Variants in SOAT1 observed in about 807,000 individuals in gnomAD.
SOAT1 encodes the protein acyl-coenzyme A:cholesterol acyltransferase 1.
Under a neutral mutation model 69.5 loss-of-function variants are expected in SOAT1, and 55 were observed. The ratio of observed to expected loss-of-function variants is 0.79; its 90% CI spans 0.64 to 0.99. SOAT1 has a LOEUF of 0.99. Ranked by LOEUF, SOAT1 falls within the 50% of genes least tolerant of loss-of-function variation. The probability of loss-of-function intolerance (pLI) is 0.00; values close to 1 mark genes in which losing one functional copy is unlikely to be tolerated. For missense variants in SOAT1, 580 were observed against 669.3 expected, an observed-to-expected ratio of 0.87 and a Z score of 1.47; for synonymous variants, 231 against 224.7, an observed-to-expected ratio of 1.03 and a Z score of -0.25.
At chr1:179,324,319 CA>C (rs1478510618) in intron 3 of SOAT1, among the ~76,000 whole-genome samples, 1 of 152,108 alleles carries the variant, frequency 6.6e-6, no homozygotes, top group Non-Finnish European at 1.5e-5. Context: ...CATCCAAGGC[CA>C]GGGGCATAGT....
chr1:179,315,389 A>G (rs1157826294), intron 2 of SOAT1, among the ~76,000 whole-genome samples: 3 of 152,008 alleles, frequency 2.0e-5, no homozygotes, highest in African/African-American at 4.8e-5. Context: ...CCTTGAGCCT[A>G]GGAGTTCCAG....
At chr1:179,316,844 C>T (rs998165494) in intron 2 of SOAT1, among the ~76,000 whole-genome samples, 2 of 152,132 alleles carry the variant, frequency 1.3e-5, no homozygotes, top group African/African-American at 4.8e-5. Flanking sequence ...CCTTCTCATT[C>T]TTCATGTCTT....
intron 1 of SOAT1, among the ~76,000 whole-genome samples, chr1:179,300,227 C>G (rs555965613): frequency 2.0e-5 from 3 of 151,712 alleles, no homozygotes; most frequent in Non-Finnish European, 2.9e-5. Context: ...ACTGAAACAT[C>G]TTGGTTCCTT....
At chr1:179,336,533 T>G (rs972871035) in intron 4 of SOAT1, among the ~76,000 whole-genome samples, 1 of 149,572 alleles carries the variant, frequency 6.7e-6, no homozygotes, top group African/African-American at 2.5e-5. Flanking sequence ...ACTTGCTGAG[T>G]GCTCTACATG....
chr1:179,320,855 T>C (rs1665572187), intron 2 of SOAT1, among the ~76,000 whole-genome samples: 1 of 152,010 alleles, frequency 6.6e-6, no homozygotes, highest in Admixed American at 6.6e-5. Flanking sequence ...TCTGCCATCT[T>C]CCCAAGTGTC....
intron 4 of SOAT1, among the ~76,000 whole-genome samples, chr1:179,336,186 G>A (rs1333442148): frequency 6.6e-6 from 1 of 150,914 alleles, no homozygotes; most frequent in Non-Finnish European, 1.5e-5. Context: ...AATAAGGTCA[G>A]GTGTGGTGGC....
rs528804411 is a variant in SOAT1 at position 179,305,496 on chromosome 1, G to A, written c.118+2694G>A. On this transcript the variant is annotated intron_variant, in intron 2 of 15. Coordinates refer to ENST00000367619, the MANE Select transcript of SOAT1 (RefSeq NM_003101.6). ...TATCTGTCAGTTGATATTTATTTTG[G>A]GGGGGTTATTTACAATGATTGGCTA... Among the ~76,000 whole-genome samples, 5 of 40,892 alleles carry A rather than the reference G, an allele frequency of 1.2e-4. No individual in the cohort carries two copies. In the South Asian group the frequency reaches 5.6e-3, roughly 46 times the overall value. 26.8% of individuals were successfully genotyped at this position (40,892 alleles called of 152,430 possible). A position where few individuals can be genotyped will look rare whatever the true frequency, so the allele number is the denominator to read the frequency against.
intron 8 of SOAT1, among the ~76,000 whole-genome samples, chr1:179,342,548 G>T (rs1025292355): frequency 6.6e-6 from 1 of 152,012 alleles, no homozygotes; most frequent in Non-Finnish European, 1.5e-5. Context: ...TTAAAAAATT[G>T]ATTATCTTTT....
intron 3 of SOAT1, among the ~76,000 whole-genome samples, chr1:179,326,725 T>C (rs1030713260): frequency 3.3e-5 from 5 of 151,978 alleles, no homozygotes; most frequent in Admixed American, 3.3e-4. Context: ...GCCCGGCTAA[T>C]TTTTGTATTT....
intron 2 of SOAT1, among the ~76,000 whole-genome samples, chr1:179,307,295 A>G (rs1348827134): frequency 1.3e-5 from 2 of 152,234 alleles, no homozygotes; most frequent in Admixed American, 6.5e-5. Context: ...ATGCAACTTC[A>G]TCAAGATGGT....
intron 2 of SOAT1, among the ~76,000 whole-genome samples, chr1:179,303,278 G>A (rs1031808868): frequency 3.9e-5 from 6 of 152,214 alleles, no homozygotes; most frequent in Admixed American, 3.9e-4. Flanking sequence ...TAAATCTTGG[G>A]AGAGGAGTAG....
intron 1 of SOAT1, among the ~76,000 whole-genome samples, chr1:179,300,279 G>T (rs1490399966): frequency 1.3e-5 from 2 of 151,728 alleles, no homozygotes; most frequent in Non-Finnish European, 2.9e-5. Flanking sequence ...CTACTTTGAG[G>T]CTGTCCCTCA....
At chr1:179,344,489 A>G (rs1666457766) in intron 10 of SOAT1, among the ~76,000 whole-genome samples, 1 of 150,014 alleles carries the variant, frequency 6.7e-6, no homozygotes, top group African/African-American at 2.5e-5. Context: ...ATTCTCCTGC[A>G]TCAGCCTCCT....
At chr1:179,333,252 G>A (rs920777845) in intron 3 of SOAT1, among the ~76,000 whole-genome samples, 10 of 152,072 alleles carry the variant, frequency 6.6e-5, no homozygotes, top group Admixed American at 1.3e-4. Flanking sequence ...GTTCCAGACC[G>A]TTATCCATGT....
chr1:179,298,438 G>A (rs1242884076), intron 1 of SOAT1, among the ~76,000 whole-genome samples: 6 of 152,024 alleles, frequency 3.9e-5, no homozygotes, highest in Non-Finnish European at 8.8e-5. Context: ...TGATGGTTGA[G>A]GAACCATCTT....
At chr1:179,333,212 C>A (rs1330803997) in intron 3 of SOAT1, among the ~76,000 whole-genome samples, 1 of 152,118 alleles carries the variant, frequency 6.6e-6, no homozygotes, top group East Asian at 1.9e-4. Flanking sequence ...AGAGTGACAA[C>A]TGTGTCAGGT....
chr1:179,345,666 C>A (rs907680234), intron 11 of SOAT1, among the ~76,000 whole-genome samples: 1 of 151,640 alleles, frequency 6.6e-6, no homozygotes, highest in Non-Finnish European at 1.5e-5. Flanking sequence ...CTCGAGTGAT[C>A]CTCTCGCCTC....
At chr1:179,318,894 T>C (rs1463551600) in intron 2 of SOAT1, among the ~76,000 whole-genome samples, 1 of 152,216 alleles carries the variant, frequency 6.6e-6, no homozygotes, top group Non-Finnish European at 1.5e-5. Flanking sequence ...TTATTATGAC[T>C]AATGCTGCCC....
intron 2 of SOAT1, among the ~76,000 whole-genome samples, chr1:179,320,759 A>G (rs1665567984): frequency 6.6e-6 from 1 of 152,066 alleles, no homozygotes; most frequent in South Asian, 2.1e-4. Flanking sequence ...TTTTTGAGAC[A>G]GAGTCTCGCT....
Sources: gnomAD v4.1 joint callset for allele counts (sites outside exome capture counted in the v4.1 genomes callset) on GRCh38, gnomAD v4.1.1 for gene constraint, MANE v1.5 for transcripts, NCBI Gene and HGNC (gene_info 2026-07-23, HGNC 2026-07-21) for gene names.